Variants in CEP112 observed in about 807,000 individuals in gnomAD.
CEP112 encodes centrosomal protein of 112 kDa.
A neutral mutation model predicts 153.0 loss-of-function variants in CEP112; 127 were observed. The ratio of observed to expected loss-of-function variants is 0.83; its 90% CI spans 0.72 to 0.96. The LOEUF is 0.96. Among genes scored for constraint, CEP112 ranks in the 40% least tolerant of loss-of-function variants. CEP112 has a pLI of 0.00. For synonymous variants in CEP112, 358 were observed against 374.4 expected (o/e 0.96, Z 0.51); for missense variants, 1,089 against 1,101.2 (o/e 0.99, Z 0.16).
intron 4 of CEP112, among the ~76,000 whole-genome samples, chr17:66,142,834 G>C (rs2070765268): frequency 6.6e-6 from 1 of 152,106 alleles, no homozygotes; most frequent in Admixed American, 6.5e-5. Context: ...GCTATTTGGA[G>C]TCTTTTGTGA....
At chr17:65,999,080 GAAGTA>G (rs1268750761) in intron 17 of CEP112, among the ~76,000 whole-genome samples, 11 of 152,028 alleles carry the variant, frequency 7.2e-5, no homozygotes, top group South Asian at 2.1e-4. Context: ...GTCTGTTCTA[GAAGTA>G]AAGACAAATA....
chr17:65,650,737 A>AT (rs2045712184), intron 24 of CEP112, among the ~76,000 whole-genome samples: 1 of 149,224 alleles, frequency 6.7e-6, no homozygotes, highest in Non-Finnish European at 1.5e-5. Context: ...TACTAAAAAA[A>AT]AAAAAAAAAA....
intron 6 of CEP112, among the ~76,000 whole-genome samples, chr17:66,113,005 G>A (rs1043710024): frequency 1.3e-5 from 2 of 151,998 alleles, no homozygotes; most frequent in Non-Finnish European, 2.9e-5. Flanking sequence ...GGAGGTAGAC[G>A]TTGCAGTGAG....
intron 19 of CEP112, among the ~76,000 whole-genome samples, chr17:65,916,203 AAC>A (rs1279061296): frequency 1.3e-5 from 2 of 151,560 alleles, no homozygotes; most frequent in African/African-American, 4.8e-5. Flanking sequence ...TTTTCTTCAC[AAC>A]AGTTATCATT....
At chr17:65,950,702 G>GTAA (rs1568280283) in intron 18 of CEP112, among the ~76,000 whole-genome samples, 2 of 77,752 alleles carry the variant, frequency 2.6e-5, no homozygotes, top group Admixed American at 1.7e-4. Flanking sequence ...TACATTACTA[G>GTAA]TAGTAGTAGT....
intron 9 of CEP112, 139 bp from the exon 10 acceptor site, chr17:66,067,016 A>AACACACAC (rs60964018): frequency 1.6e-5 from 4 of 255,346 alleles, no homozygotes; most frequent in African/African-American, 4.6e-5. Flanking sequence ...TGAAATTATA[A>AACACACAC]ACACACACAC....
intron 6 of CEP112, among the ~76,000 whole-genome samples, chr17:66,121,834 A>C (rs560281339): frequency 2.4e-4 from 37 of 151,772 alleles, no homozygotes; most frequent in African/African-American, 8.7e-4. Flanking sequence ...TCATAATTTA[A>C]ATCTCTTTAT....
chr17:66,032,634 T>A (rs917614194), intron 12 of CEP112, among the ~76,000 whole-genome samples: 23 of 152,326 alleles, frequency 1.5e-4, no homozygotes, highest in African/African-American at 4.8e-4. Flanking sequence ...GAGAAGAGCC[T>A]CTCTGGAAGA....
chr17:65,750,578 A>C lies in CEP112; in HGVS notation c.2457+84T>G, dbSNP rs2051765103. 5 of 1,123,350 alleles carry C rather than the reference A, an allele frequency of 4.5e-6. No homozygotes were observed. In the East Asian group the frequency reaches 9.5e-5, roughly 21 times the overall value. 69.6% of individuals were successfully genotyped at this position (1,123,350 alleles called of 1,614,324 possible). A position where few individuals can be genotyped will look rare whatever the true frequency, so the allele number is the denominator to read the frequency against. ...AAAAAAACTGAAAAGAATGAAGTTT[A>C]ACTTGAAAGTGCCAAGGCTTTTATG... On this transcript the variant is annotated intron_variant, in intron 22 of 26. Transcript: ENST00000535342.
At chr17:66,022,444 C>A (rs1464300595) in intron 16 of CEP112, among the ~76,000 whole-genome samples, 3 of 152,086 alleles carry the variant, frequency 2.0e-5, no homozygotes, top group Non-Finnish European at 4.4e-5. Flanking sequence ...CACAGTGGCT[C>A]ATGCCTGTAA....
chr17:65,860,900 C>T (rs1198248155), intron 20 of CEP112, among the ~76,000 whole-genome samples: 1 of 152,124 alleles, frequency 6.6e-6, no homozygotes, highest in Non-Finnish European at 1.5e-5. Flanking sequence ...ACAGTATATC[C>T]ACACAGTGGA....
At chr17:65,811,727 A>G (rs950190967) in intron 21 of CEP112, among the ~76,000 whole-genome samples, 12 of 152,212 alleles carry the variant, frequency 7.9e-5, no homozygotes, top group African/African-American at 2.9e-4. Context: ...GATAGTGTGA[A>G]GCAATATCTA....
intron 19 of CEP112, among the ~76,000 whole-genome samples, chr17:65,906,709 C>G (rs974503496): frequency 3.9e-5 from 6 of 152,126 alleles, no homozygotes; most frequent in Middle Eastern, 3.4e-3. Context: ...AGAAAGTTTT[C>G]TTTATTTAAA....
At chr17:66,039,880 A>G (rs2065898075) in intron 12 of CEP112, among the ~76,000 whole-genome samples, 1 of 152,158 alleles carries the variant, frequency 6.6e-6, no homozygotes, top group Non-Finnish European at 1.5e-5. Flanking sequence ...TTATATGCCT[A>G]TGGGATTCAT....
At chr17:65,736,360 C>T (rs1262827845) in intron 23 of CEP112, among the ~76,000 whole-genome samples, 2 of 152,076 alleles carry the variant, frequency 1.3e-5, no homozygotes, top group African/African-American at 4.8e-5. Context: ...AAGATTAATT[C>T]AGTTTATGAC....
At chr17:65,881,011 TC>T (rs1368872194) in intron 20 of CEP112, among the ~76,000 whole-genome samples, 25 of 152,228 alleles carry the variant, frequency 1.6e-4, no homozygotes. Flanking sequence ...GGTCAGGAGA[TC>T]CAGACCATCC....
intron 21 of CEP112, among the ~76,000 whole-genome samples, chr17:65,785,382 G>A (rs2054226112): frequency 6.6e-6 from 1 of 152,086 alleles, no homozygotes; most frequent in Non-Finnish European, 1.5e-5. Flanking sequence ...GCTTTTTGAG[G>A]AACTGCCAAA....
chr17:66,166,985 C>A (rs534629680), intron 4 of CEP112, among the ~76,000 whole-genome samples: 3 of 151,702 alleles, frequency 2.0e-5, no homozygotes, highest in African/African-American at 7.3e-5. Flanking sequence ...TGAGGCCAGC[C>A]ACTGTGTGTT....
chr17:65,722,436 A>G (rs893188031), intron 23 of CEP112, among the ~76,000 whole-genome samples: 1 of 152,078 alleles, frequency 6.6e-6, no homozygotes, highest in Non-Finnish European at 1.5e-5. Flanking sequence ...TTTAGCAGAG[A>G]CGGGGTTTCA....
Sources: gnomAD v4.1 joint callset for allele counts (sites outside exome capture counted in the v4.1 genomes callset) on GRCh38, gnomAD v4.1.1 for gene constraint, MANE v1.5 for transcripts, NCBI Gene and HGNC (gene_info 2026-07-23, HGNC 2026-07-21) for gene names.